EFCAB5: variants seen among roughly 807,000 people sequenced by gnomAD.
EFCAB5 encodes the protein EF-hand calcium-binding domain-containing protein 5.
A neutral mutation model predicts 167.9 loss-of-function variants in EFCAB5; 131 were observed. The observed-to-expected ratio is 0.78, with a 90% CI of 0.68 to 0.90. The LOEUF (loss-of-function observed/expected upper bound fraction) is 0.90, where lower values mean the gene tolerates loss of function less well. Among genes scored for constraint, EFCAB5 ranks in the 40% least tolerant of loss-of-function variants. The probability of loss-of-function intolerance (pLI) is 0.00; values close to 1 mark genes in which losing one functional copy is unlikely to be tolerated. For synonymous variants in EFCAB5, 574 were observed against 602.8 expected, an observed-to-expected ratio of 0.95 and a Z score of 0.70; for missense variants, 1,663 against 1,745.2, an observed-to-expected ratio of 0.95 and a Z score of 0.84.
intron 6 of EFCAB5, among the ~76,000 whole-genome samples, chr17:29,999,419 T>C (rs2068613735): frequency 6.6e-6 from 1 of 152,132 alleles, no homozygotes; most frequent in South Asian, 2.1e-4. Context: ...AGAGTGCTGA[T>C]GGGAGGTAGA....
intron 1 of EFCAB5, among the ~76,000 whole-genome samples, chr17:29,934,348 A>G (rs1219724993): frequency 6.6e-6 from 1 of 152,204 alleles, no homozygotes; most frequent in Non-Finnish European, 1.5e-5. Context: ...TACATTTGCC[A>G]ATGGGAATTT....
At chr17:30,083,359 C>G (rs1002440996) in intron 18 of EFCAB5, among the ~76,000 whole-genome samples, 5 of 152,162 alleles carry the variant, frequency 3.3e-5, no homozygotes, top group African/African-American at 1.2e-4. Flanking sequence ...GTTTGTTTCC[C>G]TCTGTACATT....
chr17:30,029,142 T>A (rs1412605675), intron 7 of EFCAB5, among the ~76,000 whole-genome samples: 4 of 152,216 alleles, frequency 2.6e-5, no homozygotes. Flanking sequence ...AGCAAAGTTT[T>A]GAAAAATCAG....
intron 4 of EFCAB5, among the ~76,000 whole-genome samples, chr17:29,981,058 A>G (rs1374988932): frequency 3.3e-5 from 5 of 152,158 alleles, no homozygotes; most frequent in Non-Finnish European, 7.3e-5. Context: ...CACTATTGCA[A>G]TAGTTTCCTA....
intron 9 of EFCAB5, among the ~76,000 whole-genome samples, chr17:30,051,981 T>C (rs2070112015): frequency 6.6e-6 from 1 of 152,146 alleles, no homozygotes. Context: ...TTTTTTATTT[T>C]ATGTTATTTT....
In EFCAB5 at chr17:29,969,042, G is replaced by GA. The variant is rs760813779; in HGVS notation, c.450dup (p.Leu151ThrfsTer3). 1.1e-5 allele frequency: 18 copies of GA among 1,597,096 alleles called. No individual in the cohort carries two copies. The highest frequency in any genetic ancestry group is 4.6e-5 in the South Asian group (4 of 87,000). ...GAAGAAGGAACTAGAAAAAAAGGCT[G>GA]AAAAAAAACTCCCTAGGGATAATTT... On this transcript the variant is annotated frameshift_variant, in exon 4 of 23. Transcript: ENST00000394835. LOFTEE classifies it high-confidence loss of function.
intron 4 of EFCAB5, among the ~76,000 whole-genome samples, chr17:29,975,537 G>A (rs1048451622): frequency 2.6e-5 from 4 of 152,100 alleles, no homozygotes; most frequent in African/African-American, 4.8e-5. Flanking sequence ...AATTACAGGC[G>A]TGAGCCACCA....
At chr17:29,994,134 ATATAT>A (rs2068485825) in intron 5 of EFCAB5, among the ~76,000 whole-genome samples, 4 of 4,238 alleles carry the variant, frequency 9.4e-4, no homozygotes, top group African/African-American at 5.8e-3. Context: ...ACAACAACAA[ATATAT>A]ATATATATAT....
At chr17:30,086,591 C>CA (rs34720712) in intron 18 of EFCAB5, among the ~76,000 whole-genome samples, 65,848 of 147,036 alleles carry the variant, frequency 0.45, 15,045 homozygotes, top group Non-Finnish European at 0.51. Context: ...ACTAAAGATA[C>CA]AAAAAAAAAA....
chr17:29,958,636 G>C (rs2067662374), intron 3 of EFCAB5, among the ~76,000 whole-genome samples: 1 of 152,100 alleles, frequency 6.6e-6, no homozygotes, highest in South Asian at 2.1e-4. Flanking sequence ...CTCTGGGATT[G>C]GTCACTGTGT....
At chr17:29,977,483 C>T (rs1379446402) in intron 4 of EFCAB5, among the ~76,000 whole-genome samples, 2 of 152,024 alleles carry the variant, frequency 1.3e-5, no homozygotes, top group Non-Finnish European at 2.9e-5. Context: ...TCAAATGAAC[C>T]GGAAAGTAGA....
upstream of EFCAB5, among the ~76,000 whole-genome samples, chr17:29,939,192 TG>T (rs536128957): frequency 6.6e-4 from 100 of 152,304 alleles, no homozygotes; most frequent in African/African-American, 2.4e-3. Flanking sequence ...ACACTGTCAA[TG>T]AACAGTAATA....
intron 1 of EFCAB5, among the ~76,000 whole-genome samples, chr17:29,930,898 T>C (rs2067183887): frequency 6.6e-6 from 1 of 152,220 alleles, no homozygotes; most frequent in African/African-American, 2.4e-5. Context: ...TCCAGCCTGC[T>C]ATTGACCTCT....
intron 22 of EFCAB5, among the ~76,000 whole-genome samples, chr17:30,096,671 A>ATTTTTTTTTTTTTTT (rs1305308979): frequency 1.6e-5 from 1 of 60,976 alleles, no homozygotes; most frequent in African/African-American, 7.7e-5. Flanking sequence ...ATATATATAT[A>ATTTTTTTTTTTTTTT]TATATATTTT....
intron 5 of EFCAB5, among the ~76,000 whole-genome samples, chr17:29,994,111 C>T (rs1381266227): frequency 1.0e-5 from 1 of 97,016 alleles, no homozygotes; most frequent in African/African-American, 3.8e-5. Flanking sequence ...CTCTTAAAAA[C>T]AAAACAACAA....
intron 7 of EFCAB5, among the ~76,000 whole-genome samples, chr17:30,029,334 T>C (rs982789995): frequency 3.3e-5 from 5 of 152,220 alleles, no homozygotes; most frequent in Admixed American, 1.3e-4. Flanking sequence ...AGAACACTTA[T>C]ATTAGCCTAC....
At chr17:30,035,282 T>C (rs1887978876) in intron 8 of EFCAB5, among the ~76,000 whole-genome samples, 1 of 152,222 alleles carries the variant, frequency 6.6e-6, no homozygotes, top group Non-Finnish European at 1.5e-5. Flanking sequence ...GGACAACTAT[T>C]CTCTGTTGGC....
intron 14 of EFCAB5, among the ~76,000 whole-genome samples, chr17:30,071,698 T>C (rs2070741255): frequency 6.6e-6 from 1 of 152,180 alleles, no homozygotes; most frequent in Non-Finnish European, 1.5e-5. Context: ...TACATTCCCA[T>C]GTTTATTGCT....
chr17:30,059,962 G>T (rs2070381906), intron 14 of EFCAB5: 2 of 210,152 alleles, frequency 9.5e-6, no homozygotes, highest in Non-Finnish European at 1.9e-5. Flanking sequence ...AGCTGTGACT[G>T]CAGTACCTGC....
Sources: gnomAD v4.1 joint callset for allele counts (sites outside exome capture counted in the v4.1 genomes callset) on GRCh38, gnomAD v4.1.1 for gene constraint, MANE v1.5 for transcripts, NCBI Gene and HGNC (gene_info 2026-07-23, HGNC 2026-07-21) for gene names.